Variants in BICRA observed in about 807,000 individuals in gnomAD.
The protein encoded by BICRA is BRD4-interacting chromatin-remodeling complex-associated protein.
In BICRA, 31 loss-of-function variants were observed where a neutral mutation model predicts 96.9. The ratio of observed to expected loss-of-function variants is 0.32; its 90% CI spans 0.24 to 0.43. The LOEUF is 0.43. BICRA is among the 20% of genes least tolerant of loss of function. BICRA has a pLI of 1.00. For missense variants in BICRA, 2,283 were observed against 2,190.3 expected (o/e 1.04, Z -0.84); for synonymous variants, 1,350 against 1,071.8 (o/e 1.26, Z -5.07).
rs373542449 is a variant in BICRA, at chr19:47,648,915, G to A, written c.-107-21528G>A. On this transcript the variant is annotated intron_variant, in intron 1 of 14. Transcript: ENST00000594866. ...TTCCCAGGCTGGAGTGCAGTGGCACGATCTTGGCTCACTGCAAGCTCCGCC... is the reference window on the plus strand; with the variant it reads ...TTCCCAGGCTGGAGTGCAGTGGCACAATCTTGGCTCACTGCAAGCTCCGCC... Among the ~76,000 whole-genome samples, 280 of 150,050 alleles carry A rather than the reference G, an allele frequency of 1.9e-3. 1 individual carries two copies. Among genetic ancestry groups the A allele is most frequent in the African/African-American group, 6.3e-3 (255 of 40,666 alleles).
chr19:47,667,272 C>T (rs1356848625), intron 1 of BICRA, among the ~76,000 whole-genome samples: 1 of 152,196 alleles, frequency 6.6e-6, no homozygotes, highest in Non-Finnish European at 1.5e-5. Flanking sequence ...GCCTTGGCCT[C>T]CCAAAGTGCT....
chr19:47,619,306 G>C (rs1024919637), intron 1 of BICRA, among the ~76,000 whole-genome samples: 7 of 150,654 alleles, frequency 4.6e-5, no homozygotes, highest in African/African-American at 1.7e-4. Flanking sequence ...CCCCTAGGCC[G>C]GAGTGCAGTG....
intron 1 of BICRA, among the ~76,000 whole-genome samples, chr19:47,625,752 A>T (rs956508448): frequency 2.0e-5 from 3 of 151,704 alleles, no homozygotes; most frequent in Non-Finnish European, 4.4e-5. Flanking sequence ...CGAAGTGGAG[A>T]GGGTGTGAAG....
At chr19:47,690,297 C>T (rs900977531) in intron 7 of BICRA, among the ~76,000 whole-genome samples, 2 of 152,174 alleles carry the variant, frequency 1.3e-5, no homozygotes, top group African/African-American at 2.4e-5. Context: ...CCACCGCGCC[C>T]GGCCTACTTG....
At chr19:47,657,350 T>G (rs2974206) in intron 1 of BICRA, among the ~76,000 whole-genome samples, 110,356 of 152,064 alleles carry the variant, frequency 0.73, 40,483 homozygotes, top group African/African-American at 0.82. Context: ...GTTGATGGCT[T>G]TCTGTGCCAT....
chr19:47,624,387 A>G (rs1384422554), intron 1 of BICRA, among the ~76,000 whole-genome samples: 1 of 152,198 alleles, frequency 6.6e-6, no homozygotes. Context: ...TGAGTATCAC[A>G]ATAGAGCGAG....
At chr19:47,616,453 A>G (rs1306762549) in intron 1 of BICRA, among the ~76,000 whole-genome samples, 1 of 152,142 alleles carries the variant, frequency 6.6e-6, no homozygotes, top group Non-Finnish European at 1.5e-5. Context: ...CCTGGCCAAC[A>G]TGGTGAAGCC....
At chr19:47,639,550 C>T (rs1031543439) in intron 1 of BICRA, among the ~76,000 whole-genome samples, 7 of 150,774 alleles carry the variant, frequency 4.6e-5, no homozygotes, top group Non-Finnish European at 1.0e-4. Context: ...AGGATGGTCT[C>T]GATCTCCTGA....
Position 47,675,764 on chromosome 19 carries a change from C to T in BICRA, c.85-87C>T, listed in dbSNP as rs1029883402. 4 of 994,464 alleles carry T rather than the reference C, an allele frequency of 4.0e-6. No homozygotes were observed. Among genetic ancestry groups the T allele is most frequent in the Non-Finnish European group, 6.3e-6 (4 of 637,594 alleles). 61.6% of individuals were successfully genotyped at this position (994,464 alleles called of 1,614,324 possible). ...CCCATCCCAACCCTTGTCTTTTTGT[C>T]CTGAGTGACCCTAAATTGGTTTCTG... is the stretch of plus-strand genomic sequence containing the variant. On this transcript the variant is annotated intron_variant, in intron 4 of 14. Coordinates refer to ENST00000594866, the MANE Select transcript of BICRA (RefSeq NM_001394372.1). This position sits in a 1 kb window ranked among gnomAD's most constrained non-coding sequence, Gnocchi z 4.7.
intron 1 of BICRA, among the ~76,000 whole-genome samples, chr19:47,640,120 A>T (rs1003187095): frequency 3.3e-5 from 5 of 152,180 alleles, no homozygotes; most frequent in Non-Finnish European, 5.9e-5. Context: ...TCTGTGATTC[A>T]CATCCAAAAA....
intron 1 of BICRA, chr19:47,662,397 C>CTTGCCT (rs1972717087): frequency 6.6e-6 from 1 of 152,346 alleles, no homozygotes; most frequent in Non-Finnish European, 1.5e-5. Flanking sequence ...CACCATCGGC[C>CTTGCCT]AGGCTCCTTG....
chr19:47,617,080 A>G lies in BICRA; in HGVS notation c.-108+7912A>G, dbSNP rs1205675585. On this transcript the variant is annotated intron_variant, in intron 1 of 14. Coordinates refer to ENST00000594866, the MANE Select transcript of BICRA (RefSeq NM_001394372.1). ...TGGACTCAAGCAATCCACCCGCCTCAGCTTCCCAAAGTGCTGGGATTACAA... is the reference window on the plus strand; with the variant it reads ...TGGACTCAAGCAATCCACCCGCCTCGGCTTCCCAAAGTGCTGGGATTACAA... 7.4e-5 allele frequency among the ~76,000 whole-genome samples: 3 copies of G among 40,334 alleles called. No homozygotes were observed. In the Admixed American group the frequency reaches 9.3e-4, roughly 13 times the overall value. The allele number at this position is 40,334 out of a possible 152,430, so 26.5% of individuals were successfully genotyped here.
intron 1 of BICRA, among the ~76,000 whole-genome samples, chr19:47,619,192 G>A (rs1972026492): frequency 4.3e-5 from 2 of 47,058 alleles, no homozygotes; most frequent in Admixed American, 5.8e-4. Context: ...ATATATATAT[G>A]TATATATACA....
intron 1 of BICRA, among the ~76,000 whole-genome samples, chr19:47,613,742 C>T (rs1480449125): frequency 6.6e-6 from 1 of 152,094 alleles, no homozygotes; most frequent in Admixed American, 6.6e-5. Context: ...CAGGGAGTGT[C>T]TCCTGGTTCC....
At chr19:47,636,441 T>C (rs1201897494) in intron 1 of BICRA, among the ~76,000 whole-genome samples, 1 of 152,186 alleles carries the variant, frequency 6.6e-6, no homozygotes, top group Non-Finnish European at 1.5e-5. Flanking sequence ...ACTCTTGAGC[T>C]CAAGTGATCC....
At chr19:47,686,678 C>G (rs573502625) in intron 7 of BICRA, among the ~76,000 whole-genome samples, 3 of 152,286 alleles carry the variant, frequency 2.0e-5, no homozygotes, top group African/African-American at 7.2e-5. Context: ...GCCACTGCGC[C>G]CAGCCTCTAC....
intron 1 of BICRA, among the ~76,000 whole-genome samples, chr19:47,653,914 C>T (rs573717745): frequency 6.6e-6 from 1 of 152,128 alleles, no homozygotes; most frequent in East Asian, 1.9e-4. Flanking sequence ...CTCACTGCAA[C>T]CTGTGCCTCC....
At chr19:47,697,016 G>GT (rs908769685) in intron 11 of BICRA, among the ~76,000 whole-genome samples, 2 of 150,622 alleles carry the variant, frequency 1.3e-5, no homozygotes, top group Non-Finnish European at 3.0e-5. Context: ...GTTTTAGGGG[G>GT]GGTTCTTTGA....
Position 47,675,798 on chromosome 19 carries a change from C to T in BICRA, c.85-53C>T, listed in dbSNP as rs759070639. The T allele has an allele frequency of 1.1e-5, 16 of 1,426,130 alleles. No homozygotes were observed. The highest frequency in any genetic ancestry group is 1.6e-5 in the Non-Finnish European group (16 of 1,021,224). The allele number at this position is 1,426,130 out of a possible 1,614,324, so 88.3% of individuals were successfully genotyped here. On this transcript the variant is annotated intron_variant, in intron 4 of 14. Coordinates refer to ENST00000594866, the MANE Select transcript of BICRA (RefSeq NM_001394372.1). The surrounding 1 kb of genome is among the most constrained non-coding windows in gnomAD (Gnocchi z 4.7). ...CCCTAAATTGGTTTCTGCTCCAGAG[C>T]ATGGGCCTGCCCTGCTGACTTTTGA...
Sources: allele counts gnomAD v4.1 joint callset (sites outside exome capture counted in the v4.1 genomes callset), GRCh38; gene constraint gnomAD v4.1.1; non-coding constraint Gnocchi (gnomAD v3.1); transcripts MANE v1.5; gene names NCBI Gene and HGNC (gene_info 2026-07-23, HGNC 2026-07-21).